CDH18: variants seen among roughly 807,000 people sequenced by gnomAD.
CDH18 encodes the protein cadherin-18.
Under a neutral mutation model 67.9 loss-of-function variants are expected in CDH18, and 31 were observed. The observed-to-expected ratio is 0.46, with a 90% CI of 0.34 to 0.62. The LOEUF is 0.62. Among genes scored for constraint, CDH18 ranks in the 20% least tolerant of loss-of-function variants. The pLI is 0.01. For missense variants in CDH18, 890 were observed against 975.5 expected (o/e 0.91, Z 1.17); for synonymous variants, 362 against 347.2 (o/e 1.04, Z -0.48).
intron 1 of CDH18, among the ~76,000 whole-genome samples, chr5:20,316,819 G>A (rs1431049535): frequency 6.6e-6 from 1 of 151,948 alleles, no homozygotes; most frequent in African/African-American, 2.4e-5. Context: ...AAATACACAT[G>A]ATTATTTACC....
intron 3 of CDH18, among the ~76,000 whole-genome samples, chr5:19,787,769 C>T (rs558966240): frequency 7.9e-4 from 118 of 149,686 alleles, no homozygotes; most frequent in African/African-American, 2.1e-3. Flanking sequence ...GGATGTAAGA[C>T]GCCAGCACCA....
intron 1 of CDH18, among the ~76,000 whole-genome samples, chr5:20,398,531 A>G (rs1745471069): frequency 6.6e-6 from 1 of 152,202 alleles, no homozygotes; most frequent in Non-Finnish European, 1.5e-5. Flanking sequence ...AGAGAAAAGC[A>G]TGGAAGCTGG....
chr5:20,525,656 T>C (rs985749432), intron 1 of CDH18, among the ~76,000 whole-genome samples: 15 of 152,166 alleles, frequency 9.9e-5, no homozygotes, highest in Admixed American at 1.3e-4. Flanking sequence ...AAATTGGTCA[T>C]TTTGACAAAA....
chr5:19,489,575 C>T (rs1203256757), intron 11 of CDH18, among the ~76,000 whole-genome samples: 1 of 152,112 alleles, frequency 6.6e-6, no homozygotes, highest in African/African-American at 2.4e-5. Flanking sequence ...AGATGCTACA[C>T]AGTAGCTCTT....
intron 2 of CDH18, among the ~76,000 whole-genome samples, chr5:20,141,878 T>A (rs1003176223): frequency 3.9e-5 from 6 of 152,064 alleles, no homozygotes; most frequent in Admixed American, 6.6e-5. Context: ...GTGCTTATTC[T>A]AATATTACTA....
chr5:19,857,101 C>T (rs891235429), intron 2 of CDH18, among the ~76,000 whole-genome samples: 2 of 151,964 alleles, frequency 1.3e-5, no homozygotes, highest in Non-Finnish European at 2.9e-5. Flanking sequence ...GTGGTGCATG[C>T]CTGCAATCCA....
chr5:20,387,045 T>A (rs986241568), intron 1 of CDH18, among the ~76,000 whole-genome samples: 1 of 152,186 alleles, frequency 6.6e-6, no homozygotes, highest in Non-Finnish European at 1.5e-5. Context: ...GCAAACTATT[T>A]ATATAAAGGA....
intron 9 of CDH18, among the ~76,000 whole-genome samples, chr5:19,543,329 C>T (rs1735736508): frequency 6.6e-6 from 1 of 151,922 alleles, no homozygotes; most frequent in African/African-American, 2.4e-5. Flanking sequence ...GGAGGTAGAA[C>T]AAGAGTCATC....
chr5:20,011,919 C>T (rs1317271186), intron 2 of CDH18, among the ~76,000 whole-genome samples: 1 of 151,994 alleles, frequency 6.6e-6, no homozygotes, highest in African/African-American at 2.4e-5. Context: ...TGTATTTCTG[C>T]CAGGTTTTGG....
intron 10 of CDH18, among the ~76,000 whole-genome samples, chr5:19,513,777 G>GC (rs1266115188): frequency 6.6e-6 from 1 of 151,682 alleles, no homozygotes; most frequent in Non-Finnish European, 1.5e-5. Context: ...CATGGAACTT[G>GC]TTTTTTCATT....
intron 6 of CDH18, among the ~76,000 whole-genome samples, chr5:19,604,422 A>G (rs957797988): frequency 1.3e-5 from 2 of 152,034 alleles, no homozygotes; most frequent in African/African-American, 4.8e-5. Flanking sequence ...TCTGACTTAC[A>G]GAGTTTGCCT....
Position 20,052,912 on chromosome 5 carries a change from C to T in CDH18, c.-517-60898G>A, listed in dbSNP as rs115062913. Among the ~76,000 whole-genome samples the T allele has an allele frequency of 3.3e-3, 500 of 152,136 alleles. 2 individuals are homozygous for T. The highest frequency in any genetic ancestry group is 0.012 in the African/African-American group (480 of 41,538). On this transcript the variant is annotated intron_variant, in intron 2 of 14. Coordinates refer to the CDH18 transcript ENST00000507958. ...CTTCAACAATCACATATGATGTTTCCTCCTTCTCTTGTTAAAGTGCACTGA... is the reference window on the plus strand; with the variant it reads ...CTTCAACAATCACATATGATGTTTCTTCCTTCTCTTGTTAAAGTGCACTGA...
At chr5:20,142,691 A>G (rs1750337512) in intron 2 of CDH18, among the ~76,000 whole-genome samples, 1 of 152,194 alleles carries the variant, frequency 6.6e-6, no homozygotes, top group Non-Finnish European at 1.5e-5. Flanking sequence ...CCATGTGAAG[A>G]AAAAGGCAGT....
At chr5:20,283,802 C>T (rs1388539670) in intron 1 of CDH18, among the ~76,000 whole-genome samples, 1 of 151,986 alleles carries the variant, frequency 6.6e-6, no homozygotes, top group Non-Finnish European at 1.5e-5. Flanking sequence ...ATCAGCACTC[C>T]CATGTTTACT....
At position 20,515,964 on chromosome 5, in the gene CDH18, C is replaced by T. The variant is rs79052370; in HGVS notation, c.-580+59498G>A. ...AAATTAAGATCCAGATTGATAGTCA[C>T]CGGGTGACTTTAACGATTACAATGT... is the stretch of plus-strand genomic sequence containing the variant. On this transcript the variant is annotated intron_variant, in intron 1 of 14. Coordinates refer to the CDH18 transcript ENST00000507958. Among the ~76,000 whole-genome samples, 720 of 152,110 alleles carry T rather than the reference C, an allele frequency of 4.7e-3. 9 individuals carry two copies. Among genetic ancestry groups the T allele is most frequent in the African/African-American group, 0.017 (687 of 41,534 alleles).
intron 2 of CDH18, among the ~76,000 whole-genome samples, chr5:20,163,856 C>T (rs1175425919): frequency 6.6e-6 from 1 of 152,186 alleles, no homozygotes; most frequent in African/African-American, 2.4e-5. Flanking sequence ...AAGTGCTGAT[C>T]TTTTGTGAAA....
chr5:20,304,569 T>G (rs1736250323), intron 1 of CDH18: 3 of 1,611,068 alleles, frequency 1.9e-6, no homozygotes, highest in Non-Finnish European at 2.5e-6. Flanking sequence ...CAGGGGAGAA[T>G]GAAAATCCAG....
intron 1 of CDH18, among the ~76,000 whole-genome samples, chr5:20,333,528 T>TATATACAC (rs1554119394): frequency 8.0e-5 from 11 of 136,840 alleles, no homozygotes; most frequent in African/African-American, 2.7e-4. Flanking sequence ...ACAATATATA[T>TATATACAC]ACACACACAC....
chr5:19,725,912 A>G (rs1472269317), intron 4 of CDH18, among the ~76,000 whole-genome samples: 1 of 152,070 alleles, frequency 6.6e-6, no homozygotes, highest in East Asian at 1.9e-4. Flanking sequence ...TAGGCTATAA[A>G]CTCCTCAGGT....
Sources: gnomAD v4.1 joint callset for allele counts (sites outside exome capture counted in the v4.1 genomes callset) on GRCh38, gnomAD v4.1.1 for gene constraint, MANE v1.5 for transcripts, NCBI Gene and HGNC (gene_info 2026-07-23, HGNC 2026-07-21) for gene names.